Variants in DDOST observed in about 807,000 individuals in gnomAD.
DDOST encodes the protein dolichyl-diphosphooligosaccharide--protein glycosyltransferase non-catalytic subunit, also known as dolichyl-diphosphooligosaccharide--protein glycosyltransferase 48 kDa subunit.
A neutral mutation model predicts 47.6 loss-of-function variants in DDOST; 25 were observed. That is an observed-to-expected ratio of 0.53 (90% CI 0.38 to 0.73). DDOST has a LOEUF of 0.73. DDOST is among the 30% of genes least tolerant of loss of function. The pLI, the probability that DDOST is intolerant of heterozygous loss-of-function variation, is 0.00. For missense variants in DDOST, 526 were observed against 573.9 expected (o/e 0.92, Z 0.85); for synonymous variants, 275 against 236.0 (o/e 1.17, Z -1.51).
Position 20,652,697 on chromosome 1 carries a change from G to A in DDOST, c.1094C>T (p.Pro365Leu), listed in dbSNP as rs2053309113. The change falls in exon 10 of 11, where the codon CCC (proline) becomes CTC (leucine). Residue 365 changes from proline to leucine, a missense_variant. By Grantham distance (98) the Pro-to-Leu change is moderately conservative. Transcript: ENST00000602624. Reference sequence around the variant, plus strand: ...AAACTGGAATACACCATACACGTCGGGCAACTTGAACTGAACACTGTATTT... The same window carrying A: ...AAACTGGAATACACCATACACGTCGAGCAACTTGAACTGAACACTGTATTT... ...GGKYSVQFKL[P>L]DVYGVFQFKV... is the part of the protein sequence containing the mutation. The A allele has an allele frequency of 1.2e-6, 2 of 1,614,024 alleles. No homozygotes were observed. Among genetic ancestry groups the A allele is most frequent in the African/African-American group, 2.7e-5 (2 of 74,914 alleles).
Position 20,653,853 on chromosome 1 carries a change from C to T in DDOST, c.795-79G>A, listed in dbSNP as rs1570413548. 9.2e-6 allele frequency: 14 copies of T among 1,515,906 alleles called. No individual in the cohort carries two copies. The East Asian group carries it at 3.0e-4, about 32-fold the overall frequency. The allele number at this position is 1,515,906 out of a possible 1,614,324, so 93.9% of individuals were successfully genotyped here. A position where few individuals can be genotyped will look rare whatever the true frequency, so the allele number is the denominator to read the frequency against. ...GCCTGATGGGCAGGACCACTCATGT[C>T]CACCATGACAGTACCCTAGCGAAGT... is the stretch of plus-strand genomic sequence containing the variant. On this transcript the variant is annotated intron_variant, in intron 7 of 10. Coordinates refer to ENST00000602624, the MANE Select transcript of DDOST (RefSeq NM_005216.5).
intron 2 of DDOST, among the ~76,000 whole-genome samples, chr1:20,656,536 A>G (rs1363724831): frequency 2.0e-5 from 3 of 152,124 alleles, no homozygotes; most frequent in Non-Finnish European, 4.4e-5. Context: ...TCATCTCATC[A>G]CCTGCACCTT....
intron 2 of DDOST, among the ~76,000 whole-genome samples, chr1:20,657,679 CTGAATA>C (rs2053389877): frequency 6.6e-6 from 1 of 152,192 alleles, no homozygotes; most frequent in Non-Finnish European, 1.5e-5. Context: ...TTGTAAAGAT[CTGAATA>C]TAAGAGCCCT....
chr1:20,655,641 G>T, intron 4 of DDOST, 35 bp downstream of exon 4: 1 of 1,598,224 alleles, frequency 6.3e-7, no homozygotes. Context: ...TTTGCCATAT[G>T]CCCCTGAAAC....
intron 2 of DDOST, chr1:20,660,603 C>A: frequency 3.4e-6 from 1 of 290,092 alleles, no homozygotes; most frequent in Non-Finnish European, 6.5e-6. Flanking sequence ...TTTATCAGGC[C>A]CTTTACAGAG....
chr1:20,652,323 C>CTAAT lies in DDOST; in HGVS notation c.*52_*55dup. The CTAAT allele has an allele frequency of 6.8e-7, 1 of 1,478,298 alleles. No homozygotes were observed. Among genetic ancestry groups the CTAAT allele is most frequent in the South Asian group, 1.4e-5 (1 of 72,816 alleles). The allele number at this position is 1,478,298 out of a possible 1,614,324, so 91.6% of individuals were successfully genotyped here. On this transcript the variant is annotated 3_prime_UTR_variant, in exon 11 of 11. Coordinates refer to ENST00000602624, the MANE Select transcript of DDOST (RefSeq NM_005216.5). ...ACAAAGCAAAACAAAACCACCAATC[C>CTAAT]TAATAACCCCCCTCCTTGCCCCGTC...
Position 20,657,525 on chromosome 1 carries a change from C to T in DDOST, c.266-1338G>A, listed in dbSNP as rs569677201. Among the ~76,000 whole-genome samples, 66 of 152,208 alleles carry T rather than the reference C, an allele frequency of 4.3e-4. 1 individual carries two copies. Among genetic ancestry groups the T allele is most frequent in the Non-Finnish European group, 7.2e-4 (49 of 68,012 alleles). ...CCTCCACGCCTTCTGATGGCACAGC[C>T]GCAGGGCCTGCTGATGCTTCGACAG... On this transcript the variant is annotated intron_variant, in intron 2 of 10. Transcript: ENST00000602624.
In DDOST at chr1:20,658,269, C is replaced by A. The variant is rs768778235; in HGVS notation, c.266-2082G>T. On this transcript the variant is annotated intron_variant, in intron 2 of 10. Transcript: ENST00000602624. ...GATTGCCAGTGACCTGGGAGCCTTCCGATGCCAGAGGGCAAAGAAGCCACT... is the reference window on the plus strand; with the variant it reads ...GATTGCCAGTGACCTGGGAGCCTTCAGATGCCAGAGGGCAAAGAAGCCACT... Among the ~76,000 whole-genome samples, 3 of 152,222 alleles carry A rather than the reference C, an allele frequency of 2.0e-5. No individual in the cohort carries two copies. In the South Asian group the frequency reaches 6.2e-4, roughly 31 times the overall value.
intron 5 of DDOST, among the ~76,000 whole-genome samples, chr1:20,655,175 T>G (rs1014261959): frequency 1.3e-4 from 15 of 113,594 alleles, no homozygotes; most frequent in African/African-American, 3.2e-4. Context: ...TTTTTTGTTT[T>G]TTTTTTTTTT....
At chr1:20,659,674 G>A (rs2053414858) in intron 2 of DDOST, among the ~76,000 whole-genome samples, 1 of 152,182 alleles carries the variant, frequency 6.6e-6, no homozygotes, top group Non-Finnish European at 1.5e-5. Context: ...AATTCCAAAA[G>A]CACATGTTGC....
intron 8 of DDOST, among the ~76,000 whole-genome samples, chr1:20,653,255 C>A (rs1013543878): frequency 1.3e-5 from 2 of 152,228 alleles, no homozygotes; most frequent in Non-Finnish European, 2.9e-5. Flanking sequence ...CACCCTCCTG[C>A]CCCGACATGT....
chr1:20,659,742 T>C (rs1230220943), intron 2 of DDOST, among the ~76,000 whole-genome samples: 1 of 152,094 alleles, frequency 6.6e-6, no homozygotes, highest in Admixed American at 6.5e-5. Context: ...ACTTGAGGGA[T>C]TCGGTGGAAC....
intron 8 of DDOST, chr1:20,653,222 C>A: frequency 1.8e-6 from 1 of 564,188 alleles, no homozygotes; most frequent in Non-Finnish European, 3.1e-6. Flanking sequence ...GTATTCATGG[C>A]CCATCAAAGT....
chr1:20,657,373 C>T (rs1040484622), intron 2 of DDOST, among the ~76,000 whole-genome samples: 3 of 152,080 alleles, frequency 2.0e-5, no homozygotes, highest in African/African-American at 7.2e-5. Context: ...ATCCTGGCAG[C>T]GGGGTAGAGA....
Position 20,653,777 on chromosome 1 carries a change from G to C in DDOST, c.795-3C>G, listed in dbSNP as rs762134804. On this transcript the variant is annotated splice_polypyrimidine_tract_variant and splice_region_variant and intron_variant, in intron 7 of 10. Transcript: ENST00000602624. ...CATAGTTGCCTGTCTGGGAATACCT[G>C]CAGGAGGGAAACAGGAGCAGCTTGG... 1 of 1,611,840 alleles carries C rather than the reference G, an allele frequency of 6.2e-7. No homozygotes were observed. Among genetic ancestry groups the C allele is most frequent in the Admixed American group, 1.7e-5 (1 of 59,844 alleles).
chr1:20,655,449 C>T lies in DDOST; in HGVS notation c.542G>A (p.Arg181Gln), dbSNP rs780909764. 1.9e-6 allele frequency: 3 copies of T among 1,613,372 alleles called. No homozygotes were observed. The highest frequency in any genetic ancestry group is 1.7e-6 in the Non-Finnish European group (2 of 1,179,568). Residue 181 changes from arginine to glutamine, a missense_variant, in exon 5 of 11, where the codon CGA (arginine) becomes CAA (glutamine). Coordinates refer to ENST00000602624, the MANE Select transcript of DDOST (RefSeq NM_005216.5). ...GKSSLNPILF[R>Q]GVGMVADPDN... ...CTGCTCACTCACTCACCCAACACCT[C>T]GAAAGAGGATGGGATTTAGAGATGA... is the stretch of plus-strand genomic sequence containing the variant.
At chr1:20,656,287 C>T (rs1331019471) in intron 2 of DDOST, 100 bp from the exon 3 acceptor site, 1 of 893,060 alleles carries the variant, frequency 1.1e-6, no homozygotes, top group African/African-American at 1.6e-5. Flanking sequence ...GCCACGATCA[C>T]TCACAGAGCA....
In DDOST at chr1:20,660,885, T is replaced by C. The variant is rs1570419242; in HGVS notation, c.261A>G (p.Val87=). The C allele has an allele frequency of 3.2e-6, 5 of 1,581,438 alleles. No homozygotes were observed. Among genetic ancestry groups the C allele is most frequent in the Non-Finnish European group, 4.3e-6 (5 of 1,150,366 alleles). ...GGGGCGACGCGGAACCCTTACCTTC[T>C]ACCGAAGGGGAGAAAATGATGAGAT... ...YDNLIIFSPS[V]EDFGGNINVE... is the part of the protein sequence containing the mutation. Residue 87 remains valine (V), a synonymous_variant, in exon 2 of 11, where the codon GTA becomes GTG. Coordinates refer to ENST00000602624, the MANE Select transcript of DDOST (RefSeq NM_005216.5).
Position 20,655,163 on chromosome 1 carries a change from T to C in DDOST, c.551+277A>G, listed in dbSNP as rs556883532. Among the ~76,000 whole-genome samples, 20 of 47,450 alleles carry C rather than the reference T, an allele frequency of 4.2e-4. No homozygotes were observed. The East Asian group carries it at 5.8e-3, about 14-fold the overall frequency. The allele number at this position is 47,450 out of a possible 152,430, so 31.1% of individuals were successfully genotyped here. On this transcript the variant is annotated intron_variant, in intron 5 of 10. Transcript: ENST00000602624. ...GTGTGAGCCACTGCGCTCGGCCAAC[T>C]TTTTTTTGTTTTTTTTTTTTTTTTT...
Sources: allele counts gnomAD v4.1 joint callset (sites outside exome capture counted in the v4.1 genomes callset), GRCh38; gene constraint gnomAD v4.1.1; transcripts MANE v1.5; gene names NCBI Gene and HGNC (gene_info 2026-07-23, HGNC 2026-07-21).